The following AARS1 variants were observed in gnomAD, a reference collection of about 807,000 sequenced individuals.
AARS1 encodes alanine--tRNA ligase, cytoplasmic.
Under a neutral mutation model 108.9 loss-of-function variants are expected in AARS1, and 72 were observed. The observed-to-expected ratio is 0.66, with a 90% CI of 0.55 to 0.80. The LOEUF (loss-of-function observed/expected upper bound fraction) is 0.80. Ranked by LOEUF, AARS1 falls within the 30% of genes least tolerant of loss-of-function variation. AARS1 has a pLI of 0.00. For synonymous variants in AARS1, 489 were observed against 465.7 expected (o/e 1.05, Z -0.64); for missense variants, 1,193 against 1,233.2 (o/e 0.97, Z 0.49).
intron 1 of AARS1, among the ~76,000 whole-genome samples, chr16:70,284,086 G>T (rs1017687577): frequency 1.3e-5 from 2 of 152,090 alleles, no homozygotes; most frequent in Non-Finnish European, 2.9e-5. Context: ...TGGATCACGA[G>T]GTCAGGAGAT....
In AARS1 at chr16:70,259,132, C is replaced by T. The variant is rs780198710; in HGVS notation, c.1840G>A (p.Ala614Thr). 2.5e-6 allele frequency: 4 copies of T among 1,614,104 alleles called. No homozygotes were observed. The highest frequency in any genetic ancestry group is 1.6e-4 in the Middle Eastern group (1 of 6,062). ...NHTATHILNF[A>T]LRSVLGEADQ... Reference sequence around the variant, plus strand: ...GCTTCCCCAAGCACTGAGCGCAGGGCGAAGTTCAGAATGTGCGTAGCTGTG... The same window carrying T: ...GCTTCCCCAAGCACTGAGCGCAGGGTGAAGTTCAGAATGTGCGTAGCTGTG... The change falls in exon 14 of 21, where the codon GCC (alanine) becomes ACC (threonine). Residue 614 changes from alanine to threonine, a missense_variant. Coordinates refer to ENST00000261772, the MANE Select transcript of AARS1 (RefSeq NM_001605.3).
In AARS1 at chr16:70,258,979, C is replaced by T. The variant is rs1960065852; in HGVS notation, c.1992+1G>A. ...GGGCATTCAGCCGTCGCCCATCCTACCTTGGCTGCCTCAATCATCTCATTA... is the reference window on the plus strand; with the variant it reads ...GGGCATTCAGCCGTCGCCCATCCTATCTTGGCTGCCTCAATCATCTCATTA... On this transcript the variant is annotated splice_donor_variant, in intron 14 of 20. Transcript: ENST00000261772. LOFTEE classifies it high-confidence loss of function. The T allele has an allele frequency of 2.5e-6, 4 of 1,614,144 alleles. No individual in the cohort carries two copies. Among genetic ancestry groups the T allele is most frequent in the Non-Finnish European group, 3.4e-6 (4 of 1,180,028 alleles).
At chr16:70,273,723 C>T (rs540199134) in intron 4 of AARS1, among the ~76,000 whole-genome samples, 76 of 151,730 alleles carry the variant, frequency 5.0e-4, no homozygotes, top group African/African-American at 1.7e-3. Flanking sequence ...ATTAGCCGGG[C>T]GTGGTGGTGG....
intron 5 of AARS1, among the ~76,000 whole-genome samples, chr16:70,270,829 C>T (rs919626737): frequency 4.5e-5 from 6 of 132,690 alleles, no homozygotes; most frequent in Non-Finnish European, 4.7e-5. Flanking sequence ...AAGAGCAAAA[C>T]TCCATCTCAA....
At chr16:70,285,033 C>A (rs1960805456) in intron 1 of AARS1, among the ~76,000 whole-genome samples, 1 of 152,106 alleles carries the variant, frequency 6.6e-6, no homozygotes, top group Admixed American at 6.6e-5. Context: ...AGTTGAAGAC[C>A]AGCCTGGCCA....
intron 1 of AARS1, among the ~76,000 whole-genome samples, chr16:70,285,844 GCC>G (rs1960826980): frequency 6.6e-6 from 1 of 152,202 alleles, no homozygotes; most frequent in African/African-American, 2.4e-5. Flanking sequence ...GATGGCATGA[GCC>G]ACCATGCCCA....
At chr16:70,262,967 CAAAAAAAAAAAAAAAA>C (rs57444625) in intron 11 of AARS1, among the ~76,000 whole-genome samples, 4 of 20,588 alleles carry the variant, frequency 1.9e-4, no homozygotes, top group South Asian at 5.4e-3. Context: ...GACTCGGTCT[CAAAAAAAAAAAAAAAA>C]AAAAAAAAAA....
chr16:70,282,228 C>G (rs1200962642), intron 2 of AARS1, among the ~76,000 whole-genome samples: 1 of 148,150 alleles, frequency 6.7e-6, no homozygotes, highest in Non-Finnish European at 1.5e-5. Flanking sequence ...ACTCGGGAGG[C>G]TGGGGCAGGA....
At chr16:70,253,040 T>C in intron 20 of AARS1, 134 bp from the exon 21 acceptor site, 1 of 1,091,738 alleles carries the variant, frequency 9.2e-7, no homozygotes. Context: ...AGACAGACTT[T>C]ACGGCTGGTA....
Position 70,252,592 on chromosome 16 carries a change from C to A in AARS1, c.*129G>T, listed in dbSNP as rs938305758. 4 of 1,048,166 alleles carry A rather than the reference C, an allele frequency of 3.8e-6. No individual in the cohort carries two copies. The African/African-American group carries it at 6.3e-5, about 16-fold the overall frequency. 64.9% of individuals were successfully genotyped at this position (1,048,166 alleles called of 1,614,324 possible). A position where few individuals can be genotyped will look rare whatever the true frequency, so the allele number is the denominator to read the frequency against. On this transcript the variant is annotated 3_prime_UTR_variant, in exon 21 of 21. Transcript: ENST00000261772. ...GGGCACTGAGACATAGGACTGCTCC[C>A]AAGTGTGTTCCAGTTACTGCTGGGT...
Position 70,262,403 on chromosome 16 carries a change from T to G in AARS1, c.1614A>C (p.Gln538His), listed in dbSNP as rs762184373. ...AGCCTTCGTCATAGATCTGGCCTCC[T>G]TGCTCAGCATAGAAACAGGTCTTGT... The part of the protein sequence containing the change: ...VLDKTCFYAE[Q>H]GGQIYDEGYL... Residue 538 changes from glutamine (Q) to histidine (H), a missense_variant, in exon 12 of 21, where the codon CAA becomes CAC. Gln to His is a conservative substitution (Grantham distance 24). Coordinates refer to ENST00000261772, the MANE Select transcript of AARS1 (RefSeq NM_001605.3). 2 of 1,614,082 alleles carry G rather than the reference T, an allele frequency of 1.2e-6. No homozygotes were observed. Among genetic ancestry groups the G allele is most frequent in the African/African-American group, 1.3e-5 (1 of 74,924 alleles).
chr16:70,282,550 C>T, intron 2 of AARS1, 70 bp downstream of exon 2: 3 of 1,581,954 alleles, frequency 1.9e-6, no homozygotes, highest in Non-Finnish European at 2.6e-6. Context: ...GACCCCAGGG[C>T]TGTGCTTTTA....
chr16:70,271,539 A>C (rs1019245249), intron 5 of AARS1, among the ~76,000 whole-genome samples: 8 of 151,920 alleles, frequency 5.3e-5, no homozygotes, highest in Non-Finnish European at 7.4e-5. Flanking sequence ...AAAAAAACAA[A>C]AAAAAAAAAC....
At chr16:70,271,034 C>T (rs555530630) in intron 5 of AARS1, among the ~76,000 whole-genome samples, 3 of 151,442 alleles carry the variant, frequency 2.0e-5, no homozygotes, top group African/African-American at 7.3e-5. Flanking sequence ...CACCTGTAAC[C>T]CTAGCTACTC....
chr16:70,287,254 C>CAAA lies in AARS1; in HGVS notation c.-22+2164_-22+2166dup, dbSNP rs71151181. Among the ~76,000 whole-genome samples the CAAA allele has an allele frequency of 2.1e-3, 81 of 39,418 alleles. 1 individual carries two copies. Among genetic ancestry groups the CAAA allele is most frequent in the South Asian group, 3.5e-3 (2 of 566 alleles). The allele number at this position is 39,418 out of a possible 152,430, so 25.9% of individuals were successfully genotyped here. A position where few individuals can be genotyped will look rare whatever the true frequency, so the allele number is the denominator to read the frequency against. On this transcript the variant is annotated intron_variant, in intron 1 of 20. Transcript: ENST00000261772. ...TGGGCGACAGAGCGAGACTCCGTCT[C>CAAA]AAAAAAAAAAAAAAAAAAAAAAAAT...
intron 16 of AARS1, among the ~76,000 whole-genome samples, chr16:70,255,486 C>T (rs970321637): frequency 2.0e-5 from 3 of 152,178 alleles, no homozygotes; most frequent in Admixed American, 1.3e-4. Flanking sequence ...GCGTGAGCCA[C>T]TGCGTCCGGC....
chr16:70,280,352 AT>A (rs995761636), intron 2 of AARS1, among the ~76,000 whole-genome samples: 16 of 151,996 alleles, frequency 1.1e-4, no homozygotes, highest in South Asian at 8.3e-4. Context: ...AAGTAGCATA[AT>A]TTTTTTGGGA....
chr16:70,262,463 C>T lies in AARS1; in HGVS notation c.1554G>A (p.Glu518=), dbSNP rs746835558. The change falls in exon 12 of 21, where the codon GAG becomes GAA. Residue 518 remains glutamate, a synonymous_variant. Transcript: ENST00000261772. ...ALRREKMFVE[E]VSTGQECGVV... The stretch of plus-strand genomic sequence containing the variant: ...CTCCACACTCCTGGCCTGTGGACAC[C>T]TCTTCCACGAACATCTTCTCCCTGC... 1.9e-6 allele frequency: 3 copies of T among 1,614,220 alleles called. No individual in the cohort carries two copies. In the Admixed American group the frequency reaches 5.0e-5, roughly 27 times the overall value.
chr16:70,282,791 A>T lies in AARS1; in HGVS notation c.-21-7T>A. ...TGAAAGTCACCCCAAAGAACTAATC[A>T]AAGAAAAAAAAATGAAGGAAAATTA... is the stretch of plus-strand genomic sequence containing the variant. On this transcript the variant is annotated splice_polypyrimidine_tract_variant and splice_region_variant and intron_variant, in intron 1 of 20. Transcript: ENST00000261772. 1.9e-6 allele frequency: 3 copies of T among 1,613,240 alleles called. No homozygotes were observed. The highest frequency in any genetic ancestry group is 2.5e-6 in the Non-Finnish European group (3 of 1,179,334).
Sources: gnomAD v4.1 joint callset for allele counts (sites outside exome capture counted in the v4.1 genomes callset) on GRCh38, gnomAD v4.1.1 for gene constraint, MANE v1.5 for transcripts, NCBI Gene and HGNC (gene_info 2026-07-23, HGNC 2026-07-21) for gene names.